Variants in DHRSX observed in about 807,000 individuals in gnomAD.
DHRSX encodes polyprenol dehydrogenase.
Under a neutral mutation model 34.0 loss-of-function variants are expected in DHRSX, and 31 were observed. The ratio of observed to expected loss-of-function variants is 0.91; its 90% CI spans 0.69 to 1.23. The LOEUF (loss-of-function observed/expected upper bound fraction) is 1.23. Ranked by LOEUF, DHRSX falls within the 50% of genes most tolerant of loss-of-function variation. DHRSX has a pLI of 0.00. For missense variants in DHRSX, 414 were observed against 428.1 expected, an observed-to-expected ratio of 0.97 and a Z score of 0.29; for synonymous variants, 201 against 183.8, an observed-to-expected ratio of 1.09 and a Z score of -0.76.
At chrX:2,317,912 T>A (rs1251228048) in intron 3 of DHRSX, among the ~76,000 whole-genome samples, 2 of 152,132 alleles carry the variant, frequency 1.3e-5, no homozygotes, top group Non-Finnish European at 2.9e-5. Context: ...ATTTACATTG[T>A]CAGGGAGAAA....
intron 4 of DHRSX, among the ~76,000 whole-genome samples, chrX:2,271,236 A>G (rs2041550049): frequency 6.6e-6 from 1 of 152,208 alleles, no homozygotes; most frequent in Non-Finnish European, 1.5e-5. Flanking sequence ...ATCTGAAGGA[A>G]CAAACTCGGG....
intron 3 of DHRSX, among the ~76,000 whole-genome samples, chrX:2,315,319 C>T (rs985466165): frequency 1.3e-5 from 2 of 152,100 alleles, no homozygotes; most frequent in Non-Finnish European, 2.9e-5. Context: ...AGTTTGGCAA[C>T]AAAACAGGCA....
chrX:2,365,714 G>A (rs1046437181), intron 3 of DHRSX, among the ~76,000 whole-genome samples: 2 of 152,084 alleles, frequency 1.3e-5, no homozygotes, highest in African/African-American at 4.8e-5. Context: ...ATGGCTCCCA[G>A]GATACTCCAC....
chrX:2,247,099 C>A (rs1602791989), intron 5 of DHRSX, among the ~76,000 whole-genome samples: 2 of 152,036 alleles, frequency 1.3e-5, no homozygotes, highest in Non-Finnish European at 2.9e-5. Flanking sequence ...CAGGCATACA[C>A]CACCATGCCC....
intron 2 of DHRSX, among the ~76,000 whole-genome samples, chrX:2,410,807 G>C (rs1157189962): frequency 6.6e-6 from 1 of 152,228 alleles, no homozygotes; most frequent in Admixed American, 6.5e-5. Flanking sequence ...AAGATAAATA[G>C]TGCAAAGTCC....
chrX:2,494,269 CATTATT>C (rs201608969), intron 1 of DHRSX, among the ~76,000 whole-genome samples: 1 of 150,824 alleles, frequency 6.6e-6, no homozygotes, highest in Non-Finnish European at 1.5e-5. Flanking sequence ...TATATTATTA[CATTATT>C]ATTATTATTA....
At chrX:2,467,495 C>T (rs1314308099) in intron 1 of DHRSX, among the ~76,000 whole-genome samples, 5 of 152,012 alleles carry the variant, frequency 3.3e-5, no homozygotes, top group Non-Finnish European at 1.5e-5. Flanking sequence ...GGACAACGTG[C>T]GGCACACCAA....
chrX:2,489,960 C>G (rs977427389), intron 1 of DHRSX: 2 of 1,613,896 alleles, frequency 1.2e-6, no homozygotes, highest in East Asian at 4.5e-5. Flanking sequence ...TCGATGAAGA[C>G]CTCATAGAGC....
intron 3 of DHRSX, among the ~76,000 whole-genome samples, chrX:2,336,013 G>GT (rs748158931): frequency 2.0e-5 from 3 of 151,732 alleles, no homozygotes; most frequent in South Asian, 2.1e-4. Flanking sequence ...TTTTGTTTTT[G>GT]TTTTTTTGTT....
chrX:2,485,182 C>T (rs1247740037), intron 1 of DHRSX, among the ~76,000 whole-genome samples: 1 of 152,088 alleles, frequency 6.6e-6, no homozygotes, highest in South Asian at 2.1e-4. Flanking sequence ...TGAGAACCGT[C>T]GGGGTTAGGG....
chrX:2,298,275 G>A (rs1003061324), intron 3 of DHRSX, among the ~76,000 whole-genome samples: 1 of 151,138 alleles, frequency 6.6e-6, no homozygotes, highest in African/African-American at 2.4e-5. Flanking sequence ...TCCAGACCTG[G>A]GAGAGGATAT....
intron 6 of DHRSX, among the ~76,000 whole-genome samples, chrX:2,221,763 G>A (rs1158541974): frequency 6.6e-6 from 1 of 152,134 alleles, no homozygotes; most frequent in Non-Finnish European, 1.5e-5. Context: ...GCAGAAAAAG[G>A]TTTTTCAAAG....
intron 4 of DHRSX, among the ~76,000 whole-genome samples, chrX:2,290,318 C>G (rs2041851393): frequency 6.6e-6 from 1 of 152,142 alleles, no homozygotes; most frequent in African/African-American, 2.4e-5. Context: ...ATAGAAGCTA[C>G]CACATCTTGG....
At chrX:2,459,549 T>C (rs1424060413) in intron 1 of DHRSX, among the ~76,000 whole-genome samples, 5 of 31,236 alleles carry the variant, frequency 1.6e-4, no homozygotes, top group African/African-American at 1.4e-3. Context: ...TGTGTCTGTG[T>C]GTATATATAT....
chrX:2,263,437 GA>G (rs2041390714), intron 5 of DHRSX, among the ~76,000 whole-genome samples: 1 of 151,924 alleles, frequency 6.6e-6, no homozygotes, highest in Admixed American at 6.6e-5. Context: ...TTTGATCTTG[GA>G]CTTCCAGCCT....
At chrX:2,368,242 CAAAAAAAA>C (rs761239560) in intron 3 of DHRSX, among the ~76,000 whole-genome samples, 1 of 118,340 alleles carries the variant, frequency 8.5e-6, no homozygotes. Flanking sequence ...GACTCTGTCT[CAAAAAAAA>C]AAAAAAGAAA....
At chrX:2,299,834 G>A (rs965890615) in intron 3 of DHRSX, among the ~76,000 whole-genome samples, 2 of 142,850 alleles carry the variant, frequency 1.4e-5, no homozygotes, top group African/African-American at 2.7e-5. Flanking sequence ...CAGCCTGGGC[G>A]ACAGAGCAAG....
intron 5 of DHRSX, among the ~76,000 whole-genome samples, chrX:2,264,321 G>A (rs1016205195): frequency 7.3e-5 from 11 of 151,144 alleles, no homozygotes; most frequent in African/African-American, 2.2e-4. Flanking sequence ...GGAGCACCGT[G>A]CCCAGAGCAC....
chrX:2,414,792 C>T (rs374163249), intron 2 of DHRSX, among the ~76,000 whole-genome samples: 1 of 151,624 alleles, frequency 6.6e-6, no homozygotes, highest in African/African-American at 2.4e-5. Flanking sequence ...CATCATGACC[C>T]AATACAAGTA....
Sources: gnomAD v4.1 joint callset for allele counts (sites outside exome capture counted in the v4.1 genomes callset) on GRCh38, gnomAD v4.1.1 for gene constraint, MANE v1.5 for transcripts, NCBI Gene and HGNC (gene_info 2026-07-23, HGNC 2026-07-21) for gene names.